Variants in SBF2 observed in about 807,000 individuals in gnomAD.
SBF2 encodes the protein SET binding factor 2.
SBF2 carries 112 observed loss-of-function variants against 225.2 expected under a neutral mutation model. The ratio of observed to expected loss-of-function variants is 0.50; its 90% CI spans 0.43 to 0.58. The LOEUF is 0.58. Among genes scored for constraint, SBF2 ranks in the 20% least tolerant of loss-of-function variants. The pLI, the probability that SBF2 is intolerant of heterozygous loss-of-function variation, is 0.00. For missense variants in SBF2, 1,996 were observed against 2,206.2 expected (o/e 0.90, Z 1.91); for synonymous variants, 763 against 773.3 (o/e 0.99, Z 0.22).
chr11:9,830,332 T>C (rs1590173871), intron 27 of SBF2, among the ~76,000 whole-genome samples: 1 of 152,246 alleles, frequency 6.6e-6, no homozygotes, highest in South Asian at 2.1e-4. Flanking sequence ...TAAGACGCAC[T>C]GTTATTTTAT....
rs1381320231 is a variant in SBF2, at chr11:10,143,247, C to T, written c.141+50655G>A. 4.6e-5 allele frequency among the ~76,000 whole-genome samples: 7 copies of T among 152,220 alleles called. No individual in the cohort carries two copies. In the East Asian group the frequency reaches 1.4e-3, roughly 29 times the overall value. On this transcript the variant is annotated intron_variant, in intron 2 of 39. Coordinates refer to ENST00000256190, the MANE Select transcript of SBF2 (RefSeq NM_030962.4). ...AGTGCAATGGCGCAATCTCGGCTCACCGTAACCTCTGCCTCCTGGGTTCAA... is the reference window on the plus strand; with the variant it reads ...AGTGCAATGGCGCAATCTCGGCTCATCGTAACCTCTGCCTCCTGGGTTCAA...
chr11:10,130,768 C>T (rs1282901269), intron 2 of SBF2, among the ~76,000 whole-genome samples: 1 of 152,138 alleles, frequency 6.6e-6, no homozygotes, highest in Non-Finnish European at 1.5e-5. Flanking sequence ...TTGGAGAATG[C>T]TATATAAATT....
chr11:9,878,309 G>A (rs935739272), intron 17 of SBF2, among the ~76,000 whole-genome samples: 2 of 152,128 alleles, frequency 1.3e-5, no homozygotes, highest in Admixed American at 6.6e-5. Flanking sequence ...TGTCAGATGA[G>A]CAGATTGCAA....
At chr11:9,856,801 T>C in intron 18 of SBF2, 81 bp from the exon 19 acceptor site, 1 of 1,484,572 alleles carries the variant, frequency 6.7e-7, no homozygotes, top group Non-Finnish European at 9.2e-7. Flanking sequence ...TTTTTTTTTT[T>C]TTTTGAGACG....
intron 1 of SBF2, among the ~76,000 whole-genome samples, chr11:10,215,311 T>C (rs61245338): frequency 1.3e-5 from 2 of 152,290 alleles, no homozygotes; most frequent in African/African-American, 4.8e-5. Context: ...AAAGCTATGT[T>C]TTTCACTGTC....
intron 6 of SBF2, among the ~76,000 whole-genome samples, chr11:10,026,204 C>A (rs1380602479): frequency 6.6e-6 from 1 of 152,032 alleles, no homozygotes; most frequent in Non-Finnish European, 1.5e-5. Flanking sequence ...ACTAAGACCA[C>A]AGAGGTTTAT....
chr11:10,185,555 G>A (rs1454337192), intron 2 of SBF2, among the ~76,000 whole-genome samples: 1 of 151,610 alleles, frequency 6.6e-6, no homozygotes, highest in East Asian at 1.9e-4. Context: ...ACTAGGCTCA[G>A]GTGACCCTTC....
intron 16 of SBF2, among the ~76,000 whole-genome samples, chr11:9,947,984 T>A (rs1865660508): frequency 6.6e-6 from 1 of 152,160 alleles, no homozygotes; most frequent in Non-Finnish European, 1.5e-5. Flanking sequence ...GTTTGCATAC[T>A]CATGTTCATA....
At chr11:10,106,444 T>C (rs1465249210) in intron 2 of SBF2, among the ~76,000 whole-genome samples, 1 of 151,930 alleles carries the variant, frequency 6.6e-6, no homozygotes, top group Non-Finnish European at 1.5e-5. Context: ...CTGGCCAACA[T>C]GGCGAAACCC....
chr11:9,877,729 TC>T (rs1859383632), intron 17 of SBF2, among the ~76,000 whole-genome samples: 1 of 152,194 alleles, frequency 6.6e-6, no homozygotes. Context: ...CATGAACGCA[TC>T]CTTTTTTATG....
chr11:9,826,234 A>T (rs1855052462), intron 28 of SBF2, among the ~76,000 whole-genome samples: 1 of 152,186 alleles, frequency 6.6e-6, no homozygotes, highest in Non-Finnish European at 1.5e-5. Context: ...ATTAATCTCC[A>T]CATGGGTTAA....
At chr11:9,967,637 CG>C (rs1811114357) in intron 14 of SBF2, among the ~76,000 whole-genome samples, 2 of 152,062 alleles carry the variant, frequency 1.3e-5, no homozygotes, top group East Asian at 1.9e-4. Context: ...ACATTCTTGC[CG>C]GGTGCAGTGG....
At chr11:9,791,053 A>G (rs902381752) in intron 33 of SBF2, 4 of 183,922 alleles carry the variant, frequency 2.2e-5, no homozygotes, top group Non-Finnish European at 4.6e-5. Flanking sequence ...GATGAAGCTC[A>G]GTAAAAAACA....
chr11:10,002,740 T>C lies in SBF2; in HGVS notation c.620-51A>G, dbSNP rs200072946. On this transcript the variant is annotated intron_variant, in intron 6 of 39. Transcript: ENST00000256190. ...CAAATGCATTTAATTTTATATGTGT[T>C]GTCAACAATCATAGACAGTATACAC... 1,172 of 1,557,712 alleles carry C rather than the reference T, an allele frequency of 7.5e-4. 5 individuals are homozygous for C. The highest frequency in any genetic ancestry group is 9.4e-4 in the Non-Finnish European group (1,066 of 1,129,094).
At chr11:10,150,051 G>T (rs2135168044) in intron 2 of SBF2, among the ~76,000 whole-genome samples, 1 of 152,192 alleles carries the variant, frequency 6.6e-6, no homozygotes, top group African/African-American at 2.4e-5. Context: ...CTAACAGTAT[G>T]CCACAGAAGA....
chr11:10,066,715 T>C (rs1014871786), intron 2 of SBF2, among the ~76,000 whole-genome samples: 3 of 152,114 alleles, frequency 2.0e-5, no homozygotes, highest in South Asian at 2.1e-4. Flanking sequence ...AGAAACAAGA[T>C]AGGCACGTCT....
intron 1 of SBF2, among the ~76,000 whole-genome samples, chr11:10,263,646 C>A (rs151080876): frequency 1.2e-3 from 178 of 152,176 alleles, no homozygotes; most frequent in African/African-American, 3.9e-3. Context: ...TGTATAAAAT[C>A]TCTGCTGTAC....
At chr11:10,000,891 A>C (rs1414818678) in intron 8 of SBF2, 23 bp downstream of exon 8, 1 of 1,257,536 alleles carries the variant, frequency 8.0e-7, no homozygotes, top group African/African-American at 1.5e-5. Flanking sequence ...CAATAACTGG[A>C]AACTTTAAAG....
chr11:9,980,380 C>T (rs1282684484), intron 13 of SBF2, among the ~76,000 whole-genome samples: 1 of 151,898 alleles, frequency 6.6e-6, no homozygotes, highest in Non-Finnish European at 1.5e-5. Context: ...AAGCAATCCT[C>T]CTGCCTCGGC....
Sources: allele counts gnomAD v4.1 joint callset (sites outside exome capture counted in the v4.1 genomes callset), GRCh38; gene constraint gnomAD v4.1.1; transcripts MANE v1.5; gene names NCBI Gene and HGNC (gene_info 2026-07-23, HGNC 2026-07-21).